The following AHNAK2 variants were observed in gnomAD, a reference collection of about 807,000 sequenced individuals.
AHNAK2 encodes AHNAK nucleoprotein 2.
In AHNAK2, 18 loss-of-function variants were observed where a neutral mutation model predicts 30.7. The ratio of observed to expected loss-of-function variants is 0.59; its 90% CI spans 0.41 to 0.87. The LOEUF (loss-of-function observed/expected upper bound fraction) is 0.87, where lower values mean the gene tolerates loss of function less well. Ranked by LOEUF, AHNAK2 falls within the 40% of genes least tolerant of loss-of-function variation. The pLI is 0.00. For missense variants in AHNAK2, 8,604 were observed against 7,373.0 expected, an observed-to-expected ratio of 1.17 and a Z score of -6.11; for synonymous variants, 3,590 against 3,073.8, an observed-to-expected ratio of 1.17 and a Z score of -5.56.
chr14:104,962,224 G>A (rs1352128761), intron 1 of AHNAK2, among the ~76,000 whole-genome samples: 1 of 152,146 alleles, frequency 6.6e-6, no homozygotes, highest in Non-Finnish European at 1.5e-5. Context: ...GCTCTCAGGT[G>A]CACAGGGGAC....
chr14:104,942,376 C>A lies in AHNAK2; in HGVS notation c.13075G>T (p.Ala4359Ser), dbSNP rs373906972. 1.2e-6 allele frequency: 2 copies of A among 1,613,088 alleles called. No individual in the cohort carries two copies. Among genetic ancestry groups the A allele is most frequent in the Non-Finnish European group, 8.5e-7 (1 of 1,179,682 alleles). The change falls in exon 7 of 7, where the codon GCT becomes TCT. Residue 4359 changes from alanine to serine, a missense_variant. Transcript: ENST00000333244. ...QPPSADLEVQ[A>S]GQEDVKLPEG... ...GGGAGTTTCACATCCTCTTGGCCAG[C>A]CTGGACCTCCAGATCAGCGGAAGGG...
At chr14:104,961,120 G>T (rs1343499794) in intron 1 of AHNAK2, among the ~76,000 whole-genome samples, 3 of 151,318 alleles carry the variant, frequency 2.0e-5, no homozygotes, top group Non-Finnish European at 4.4e-5. Flanking sequence ...AACAGACCAA[G>T]ACTCTGTCTC....
At position 104,945,703 on chromosome 14, in the gene AHNAK2, C is replaced by G. The variant is rs1210235079; in HGVS notation, c.9748G>C (p.Gly3250Arg). 6.2e-7 allele frequency: 1 copy of G among 1,600,862 alleles called. No individual in the cohort carries two copies. Among genetic ancestry groups the G allele is most frequent in the Non-Finnish European group, 8.5e-7 (1 of 1,172,384 alleles). The change falls in exon 7 of 7, where the codon GGC (glycine) becomes CGC (arginine). Residue 3250 changes from glycine to arginine, a missense_variant. Physicochemically the swap from Gly to Arg is moderately radical, Grantham distance 125 (BLOSUM62 -2). Coordinates refer to ENST00000333244, the MANE Select transcript of AHNAK2 (RefSeq NM_138420.4). ...GGGCCTTTCAGGTCCAGCTTGGGGC[C>G]CTTGATGTCTATCTGGGGGCCCTTG... The part of the protein sequence containing the change: ...DRKGPQIDIK[G>R]PKLDLKGPKM...
In AHNAK2 at chr14:104,944,354, A is replaced by G. The variant is rs1253069094; in HGVS notation, c.11097T>C (p.Ala3699=). The part of the protein sequence containing the change: ...QPPSADLKVQ[A]GQMDVKLPEG... ...CCGGGAGCTTCACATCCATCTGGCC[A>G]GCCTGGACCTTCAGGTCGGCAGAAG... Residue 3699 remains alanine (A), a synonymous_variant, in exon 7 of 7, where the codon GCT becomes GCC. Coordinates refer to ENST00000333244, the MANE Select transcript of AHNAK2 (RefSeq NM_138420.4). 7.4e-6 allele frequency: 12 copies of G among 1,612,308 alleles called. No individual in the cohort carries two copies. Among genetic ancestry groups the G allele is most frequent in the Non-Finnish European group, 1.0e-5 (12 of 1,179,450 alleles).
rs377633909 is a variant in AHNAK2, at chr14:104,943,532, G to A, written c.11919C>T (p.Phe3973=). 12 of 1,612,900 alleles carry A rather than the reference G, an allele frequency of 7.4e-6. No individual in the cohort carries two copies. In the African/African-American group the frequency reaches 1.5e-4, roughly 20 times the overall value. The change falls in exon 7 of 7, where the codon TTC becomes TTT. Residue 3973 remains phenylalanine, a synonymous_variant. Coordinates refer to ENST00000333244, the MANE Select transcript of AHNAK2 (RefSeq NM_138420.4). ...CAGACACCCCGAACGACGGCATCTT[G>A]AACTTGGGCATTTTGAACTTGCTGT... The part of the protein sequence containing the change: ...AKDSKFKMPK[F]KMPSFGVSAP...
At position 104,951,516 on chromosome 14, in the gene AHNAK2, C is replaced by T. The variant is rs199902418; in HGVS notation, c.3935G>A (p.Gly1312Glu). ...GAKLDGAQLDGDLSLADKDVT... is the reference protein window; with the variant it reads ...GAKLDGAQLDEDLSLADKDVT... The stretch of plus-strand genomic sequence containing the variant: ...GTCCTTGTCAGCCAGGGACAGGTCC[C>T]CGTCCAGCTGTGCGCCATCCAACTT... Residue 1312 changes from glycine (G) to glutamate (E), a missense_variant, in exon 7 of 7, where the codon GGG becomes GAG. Gly to Glu is a moderately conservative substitution (Grantham distance 98). Transcript: ENST00000333244. 45 of 1,246,784 alleles carry T rather than the reference C, an allele frequency of 3.6e-5. 5 individuals carry two copies. In the African/African-American group the frequency reaches 5.5e-4, roughly 15 times the overall value. The allele number at this position is 1,246,784 out of a possible 1,614,324, so 77.2% of individuals were successfully genotyped here.
rs371400548 is a variant in AHNAK2, at chr14:104,950,000, A to C, written c.5451T>G (p.Thr1817=). Residue 1817 remains threonine (T), a synonymous_variant, in exon 7 of 7, where the codon ACT becomes ACG. Coordinates refer to ENST00000333244, the MANE Select transcript of AHNAK2 (RefSeq NM_138420.4). The part of the protein sequence containing the change: ...GDLSLADKDV[T]AKDSKFKMPK... ...GCATTTTGAACTTGCTGTCTTTGGC[A>C]GTCACATCCTTGTCGGCCAGGGACA... 91 of 1,587,230 alleles carry C rather than the reference A, an allele frequency of 5.7e-5. 4 individuals are homozygous for C. Among genetic ancestry groups the C allele is most frequent in the Admixed American group, 4.2e-4 (24 of 57,712 alleles).
rs987851050 is a variant in AHNAK2 at position 104,978,353 on chromosome 14, C to A, written c.-116G>T. ...GCTCTGCCCCGCTGCCCTGCGCTGCCGCGGGCGGCCGACCTCGGACTGCGG... is the reference window on the plus strand; with the variant it reads ...GCTCTGCCCCGCTGCCCTGCGCTGCAGCGGGCGGCCGACCTCGGACTGCGG... On this transcript the variant is annotated 5_prime_UTR_variant, in exon 1 of 7. Coordinates refer to ENST00000333244, the MANE Select transcript of AHNAK2 (RefSeq NM_138420.4). 16 of 748,976 alleles carry A rather than the reference C, an allele frequency of 2.1e-5. No homozygotes were observed. The highest frequency in any genetic ancestry group is 2.6e-5 in the Non-Finnish European group (16 of 604,328). The allele number at this position is 748,976 out of a possible 1,614,324, so 46.4% of individuals were successfully genotyped here.
Position 104,978,363 on chromosome 14 carries a change from C to T in AHNAK2, c.-126G>A, listed in dbSNP as rs926321078. The T allele has an allele frequency of 1.1e-5, 7 of 611,352 alleles. No individual in the cohort carries two copies. The Admixed American group carries it at 3.0e-4, about 26-fold the overall frequency. The allele number at this position is 611,352 out of a possible 1,614,324, so 37.9% of individuals were successfully genotyped here. A position where few individuals can be genotyped will look rare whatever the true frequency, so the allele number is the denominator to read the frequency against. ...GCTGCCCTGCGCTGCCGCGGGCGGC[C>T]GACCTCGGACTGCGGACACCGCGCG... On this transcript the variant is annotated 5_prime_UTR_variant, in exon 1 of 7. Transcript: ENST00000333244.
chr14:104,970,558 C>T, intron 1 of AHNAK2: 3 of 979,238 alleles, frequency 3.1e-6, no homozygotes, highest in Non-Finnish European at 3.6e-6. Context: ...CTCCTCCCCC[C>T]ATTGTCCCGC....
Position 104,937,287 on chromosome 14 carries a change from G to A in AHNAK2, c.*776C>T, listed in dbSNP as rs1897834460. The A allele has an allele frequency of 6.6e-6, 1 of 152,248 alleles. No individual in the cohort carries two copies. The highest frequency in any genetic ancestry group is 1.5e-5 in the Non-Finnish European group (1 of 68,082). The allele number at this position is 152,248 out of a possible 1,614,324, so 9.4% of individuals were successfully genotyped here. A position where few individuals can be genotyped will look rare whatever the true frequency, so the allele number is the denominator to read the frequency against. ...GCACTTTCTTTATTGCCCATCCAGG[G>A]AACAGCCAAGCCAGCTCCATCTGCA... On this transcript the variant is annotated 3_prime_UTR_variant, in exon 7 of 7. Transcript: ENST00000333244.
Position 104,978,244 on chromosome 14 carries a change from G to C in AHNAK2, c.-7C>G. 4 of 1,205,560 alleles carry C rather than the reference G, an allele frequency of 3.3e-6. No individual in the cohort carries two copies. The highest frequency in any genetic ancestry group is 4.1e-6 in the Non-Finnish European group (4 of 970,602). 74.7% of individuals were successfully genotyped at this position (1,205,560 alleles called of 1,614,324 possible). ...TGTGGAAGCAGTCGCACATCGCGGC[G>C]GCCAGGCGGTGCGGGCCTGGCGGCC... On this transcript the variant is annotated 5_prime_UTR_variant, in exon 1 of 7. Coordinates refer to ENST00000333244, the MANE Select transcript of AHNAK2 (RefSeq NM_138420.4).
chr14:104,972,994 A>T (rs1055663166), intron 1 of AHNAK2, among the ~76,000 whole-genome samples: 1 of 152,148 alleles, frequency 6.6e-6, no homozygotes, highest in Non-Finnish European at 1.5e-5. Flanking sequence ...GTTGCTACCC[A>T]GTCCCAAGAG....
Position 104,940,235 on chromosome 14 carries a change from T to C in AHNAK2, c.15216A>G (p.Gly5072=), listed in dbSNP as rs1897937204. The change falls in exon 7 of 7, where the codon GGA becomes GGG. Residue 5072 remains glycine, a synonymous_variant. Transcript: ENST00000333244. This position sits in a 1 kb window ranked among gnomAD's most constrained non-coding sequence, Gnocchi z 4.4. ...EKASSDGGRG[G]LGATASATGS... ...CTGTGGCACTTGCTGTTGCACCAAG[T>C]CCTCCCCTACCACCGTCACTGCTGG... 6.2e-7 allele frequency: 1 copy of C among 1,613,342 alleles called. No homozygotes were observed. The highest frequency in any genetic ancestry group is 1.1e-5 in the South Asian group (1 of 91,070).
rs765261301 is a variant in AHNAK2, at chr14:104,943,753, C to T, written c.11698G>A (p.Asp3900Asn). 41 of 1,612,564 alleles carry T rather than the reference C, an allele frequency of 2.5e-5. No homozygotes were observed. The highest frequency in any genetic ancestry group is 3.3e-5 in the Admixed American group (2 of 59,860). ...ATGTCTATTTCAGGGCCCTTGAGGT[C>T]GACTTTGGGCATCTTGAAACTGGGC... ...QMPSFKMPKV[D>N]LKGPEIDIKG... Residue 3900 changes from aspartate to asparagine, a missense_variant, in exon 7 of 7, where the codon GAC becomes AAC. Coordinates refer to ENST00000333244, the MANE Select transcript of AHNAK2 (RefSeq NM_138420.4).
rs779519742 is a variant in AHNAK2 at position 104,948,208 on chromosome 14, C to T, written c.7243G>A (p.Asp2415Asn). The change falls in exon 7 of 7, where the codon GAT (aspartate) becomes AAT (asparagine). Residue 2415 changes from aspartate (D) to asparagine (N), a missense_variant. Coordinates refer to ENST00000333244, the MANE Select transcript of AHNAK2 (RefSeq NM_138420.4). Reference sequence around the variant, plus strand: ...ACATCTATCTGGGGGCCCTTGAGATCTACTTTGGGCATCTTGAAACTGGGC... The same window carrying T: ...ACATCTATCTGGGGGCCCTTGAGATTTACTTTGGGCATCTTGAAACTGGGC... The part of the protein sequence containing the change: ...QMPSFKMPKV[D>N]LKGPQIDVKG... 1.4e-5 allele frequency: 22 copies of T among 1,612,464 alleles called. No homozygotes were observed. The Admixed American group carries it at 3.5e-4, about 26-fold the overall frequency.
At chr14:104,968,337 C>T (rs896207577) in intron 1 of AHNAK2, among the ~76,000 whole-genome samples, 2 of 151,936 alleles carry the variant, frequency 1.3e-5, no homozygotes, top group Non-Finnish European at 2.9e-5. Context: ...ACTATCCTGG[C>T]GCAGGGCCTG....
At chr14:104,973,751 G>A (rs1010767716) in intron 1 of AHNAK2, among the ~76,000 whole-genome samples, 1 of 152,134 alleles carries the variant, frequency 6.6e-6, no homozygotes, top group Non-Finnish European at 1.5e-5. Context: ...TCCCACCACC[G>A]CCACCCCTGC....
At position 104,952,562 on chromosome 14, in the gene AHNAK2, G is replaced by C. The variant is rs1265730956; in HGVS notation, c.2889C>G (p.Ser963Arg). 1 of 1,612,850 alleles carries C rather than the reference G, an allele frequency of 6.2e-7. No homozygotes were observed. Among genetic ancestry groups the C allele is most frequent in the Middle Eastern group, 1.7e-4 (1 of 6,058 alleles). The change falls in exon 7 of 7, where the codon AGC becomes AGG. Residue 963 changes from serine (S) to arginine (R), a missense_variant. Coordinates refer to ENST00000333244, the MANE Select transcript of AHNAK2 (RefSeq NM_138420.4). ...TAPDGEVSLPSMEVDVQAQKA... is the reference protein window; with the variant it reads ...TAPDGEVSLPRMEVDVQAQKA... ...TCTGGGCCTGGACATCCACCTCCAT[G>C]CTGGGCAGAGACACCTCGCCATCGG... is the stretch of plus-strand genomic sequence containing the variant.
Sources: allele counts gnomAD v4.1 joint callset (sites outside exome capture counted in the v4.1 genomes callset), GRCh38; gene constraint gnomAD v4.1.1; non-coding constraint Gnocchi (gnomAD v3.1); transcripts MANE v1.5; gene names NCBI Gene and HGNC (gene_info 2026-07-23, HGNC 2026-07-21).